Variants in POLQ observed in about 807,000 individuals in gnomAD.
POLQ encodes DNA polymerase theta, also known as epididymis secretory sperm binding protein.
Under a neutral mutation model 259.2 loss-of-function variants are expected in POLQ, and 233 were observed. The observed-to-expected ratio is 0.90, with a 90% CI of 0.81 to 1.00. The LOEUF is 1.00. Ranked by LOEUF, POLQ falls within the 50% of genes least tolerant of loss-of-function variation. The pLI is 0.00. For missense variants in POLQ, 2,871 were observed against 3,051.6 expected, an observed-to-expected ratio of 0.94 and a Z score of 1.39; for synonymous variants, 1,025 against 1,048.8, an observed-to-expected ratio of 0.98 and a Z score of 0.44.
intron 16 of POLQ, among the ~76,000 whole-genome samples, chr3:121,486,636 G>A (rs996010676): frequency 6.6e-6 from 1 of 152,106 alleles, no homozygotes; most frequent in Non-Finnish European, 1.5e-5. Flanking sequence ...GGCCAACACA[G>A]GTGGATCACT....
At chr3:121,458,563 A>G (rs2047762687) in intron 25 of POLQ, among the ~76,000 whole-genome samples, 1 of 152,162 alleles carries the variant, frequency 6.6e-6, no homozygotes, top group Admixed American at 6.5e-5. Context: ...TAGCTATCTC[A>G]TGGGTTATGA....
intron 19 of POLQ, among the ~76,000 whole-genome samples, chr3:121,479,017 G>C (rs1470416813): frequency 1.3e-5 from 2 of 152,104 alleles, no homozygotes; most frequent in Non-Finnish European, 2.9e-5. Context: ...AACAGCTCAG[G>C]TTTTAGATAA....
chr3:121,455,132 A>C (rs2047721949), intron 25 of POLQ, among the ~76,000 whole-genome samples: 1 of 151,476 alleles, frequency 6.6e-6, no homozygotes, highest in East Asian at 1.9e-4. Context: ...CTGAATGACT[A>C]CTGGGTACAT....
intron 8 of POLQ, chr3:121,521,701 G>C (rs2048337272): frequency 6.1e-6 from 1 of 162,908 alleles, no homozygotes; most frequent in African/African-American, 2.4e-5. Context: ...CTCCTGAGAA[G>C]CTGGAATTAC....
Position 121,476,704 on chromosome 3 carries a change from G to C in POLQ, c.6241C>G (p.Gln2081Glu), listed in dbSNP as rs752088145. The change falls in exon 20 of 30, where the codon CAG (glutamine) becomes GAG (glutamate). Residue 2081 changes from glutamine (Q) to glutamate (E), a missense_variant. By Grantham distance (29) the Gln-to-Glu change is conservative. Coordinates refer to ENST00000264233, the MANE Select transcript of POLQ (RefSeq NM_199420.4). ...DVFRKVEMPS[Q>E]YCLALLELNG... is the part of the protein sequence containing the mutation. ...AGTTCTAGCAAGGCCAAGCAGTACT[G>C]AGAGGGCATTTCCACCTTACGGAAA... The C allele has an allele frequency of 1.9e-6, 3 of 1,604,698 alleles. No homozygotes were observed. The highest frequency in any genetic ancestry group is 2.5e-6 in the Non-Finnish European group (3 of 1,177,372).
Position 121,529,657 on chromosome 3 carries a change from G to A in POLQ, c.1096C>T (p.His366Tyr). ...IIAREFYNLHHQAEGLVKPSE... is the reference protein window; with the variant it reads ...IIAREFYNLHYQAEGLVKPSE... ...ATCCATAACTCACCCTCAGCTTGAT[G>A]ATGTAGATTATAAAACTCTCGAGCA... The change falls in exon 7 of 30, where the codon CAT (histidine) becomes TAT (tyrosine). Residue 366 changes from histidine (H) to tyrosine (Y), a missense_variant. His to Tyr is a moderately conservative substitution (Grantham distance 83). Transcript: ENST00000264233. 1 of 1,613,418 alleles carries A rather than the reference G, an allele frequency of 6.2e-7. No homozygotes were observed. Among genetic ancestry groups the A allele is most frequent in the Non-Finnish European group, 8.5e-7 (1 of 1,179,706 alleles).
At chr3:121,502,801 C>T (rs2048181975) in intron 12 of POLQ, among the ~76,000 whole-genome samples, 1 of 151,984 alleles carries the variant, frequency 6.6e-6, no homozygotes. Flanking sequence ...GTTTGCAACA[C>T]ATAATGATGT....
Position 121,440,131 on chromosome 3 carries a change from C to T in POLQ, c.7265-15G>A, listed in dbSNP as rs1485547692. 2.5e-6 allele frequency: 4 copies of T among 1,593,040 alleles called. No individual in the cohort carries two copies. Among genetic ancestry groups the T allele is most frequent in the Non-Finnish European group, 3.4e-6 (4 of 1,163,218 alleles). On this transcript the variant is annotated splice_polypyrimidine_tract_variant and intron_variant, in intron 26 of 29. Transcript: ENST00000264233. ...TTGATTAATCCCTACAAAGAAAATA[C>T]AGAAATAATTAATTAGAACCAAAGT...
chr3:121,443,940 T>C (rs1448852969), intron 26 of POLQ, among the ~76,000 whole-genome samples: 2 of 152,150 alleles, frequency 1.3e-5, no homozygotes, highest in African/African-American at 4.8e-5. Context: ...GTTCTACTGA[T>C]CTTTGTGCCT....
chr3:121,507,400 A>G (rs2048217320), intron 12 of POLQ, among the ~76,000 whole-genome samples: 1 of 152,152 alleles, frequency 6.6e-6, no homozygotes, highest in South Asian at 2.1e-4. Flanking sequence ...TAAGAAATCC[A>G]GTTTCTGTTT....
chr3:121,457,893 C>G (rs1462586931), intron 25 of POLQ, among the ~76,000 whole-genome samples: 1 of 151,986 alleles, frequency 6.6e-6, no homozygotes, highest in African/African-American at 2.4e-5. Flanking sequence ...GGGTATATAC[C>G]CAAAGGACTA....
At chr3:121,536,453 C>T (rs966121839) in intron 5 of POLQ, among the ~76,000 whole-genome samples, 13 of 151,920 alleles carry the variant, frequency 8.6e-5, no homozygotes, top group Non-Finnish European at 1.6e-4. Flanking sequence ...AAGGTAGTTG[C>T]CTCTGAGAAG....
rs73855398 is a variant in POLQ at position 121,478,279 on chromosome 3, G to A, written c.6212-1546C>T. ...CTTTCTAAGGGAAGATTTCCCCCAC[G>A]TAAGTCCTGCAGGGATCCTTGATCA... is the stretch of plus-strand genomic sequence containing the variant. On this transcript the variant is annotated intron_variant, in intron 19 of 29. Coordinates refer to ENST00000264233, the MANE Select transcript of POLQ (RefSeq NM_199420.4). 8.5e-3 allele frequency among the ~76,000 whole-genome samples: 1,300 copies of A among 152,134 alleles called. 18 individuals are homozygous for A. The highest frequency in any genetic ancestry group is 0.029 in the African/African-American group (1,217 of 41,508).
At position 121,537,157 on chromosome 3, in the gene POLQ, T is replaced by C. The variant is rs760996760; in HGVS notation, c.683A>G (p.Tyr228Cys). Residue 228 changes from tyrosine (Y) to cysteine (C), a missense_variant, in exon 5 of 30, where the codon TAT becomes TGT. By Grantham distance (194) the Tyr-to-Cys change is radical. Transcript: ENST00000264233. ...LHMLGDSHRGYLLELLLTKIC... is the reference protein window; with the variant it reads ...LHMLGDSHRGCLLELLLTKIC... ...CTTGGTCAGCAAAAGTTCCAGCAGA[T>C]ACCCTCGGTGAGAGTCTCCCAGCAT... 61 of 1,608,538 alleles carry C rather than the reference T, an allele frequency of 3.8e-5. No homozygotes were observed. The highest frequency in any genetic ancestry group is 5.0e-5 in the Admixed American group (3 of 59,982).
rs767760655 is a variant in POLQ at position 121,545,766 on chromosome 3, C to A, written c.112G>T (p.Val38Leu). Residue 38 changes from valine (V) to leucine (L), a missense_variant, in exon 1 of 30, where the codon GTG (valine) becomes TTG (leucine). Around this residue, in one of 3 missense-constraint regions of POLQ, gnomAD observed 783 missense variants for 906.2 expected, o/e 0.86. Transcript: ENST00000264233. Reference sequence around the variant, plus strand: ...CCAAGGCCGGGCGGCGGGCTCAGCACGGACCCGGAGAGGAACTGGGGGCTG... The same window carrying A: ...CCAAGGCCGGGCGGCGGGCTCAGCAAGGACCCGGAGAGGAACTGGGGGCTG... ...SASPQFLSGS[V>L]LSPPPGLGRC... is the part of the protein sequence containing the mutation. The A allele has an allele frequency of 1.3e-5, 21 of 1,604,820 alleles. No individual in the cohort carries two copies. The highest frequency in any genetic ancestry group is 1.8e-5 in the Non-Finnish European group (21 of 1,176,074).
At chr3:121,435,637 T>G (rs901793877) in intron 28 of POLQ, among the ~76,000 whole-genome samples, 8 of 152,164 alleles carry the variant, frequency 5.3e-5, no homozygotes, top group African/African-American at 1.9e-4. Flanking sequence ...TCCCACAAAT[T>G]GAGACATGCA....
intron 25 of POLQ, 128 bp from the exon 26 acceptor site, chr3:121,449,554 T>G (rs2047656594): frequency 1.5e-6 from 1 of 677,302 alleles, no homozygotes. Context: ...AGATTGCTTT[T>G]GGTGGGTTAC....
chr3:121,509,298 C>A (rs994906889), intron 12 of POLQ, among the ~76,000 whole-genome samples: 1 of 151,894 alleles, frequency 6.6e-6, no homozygotes, highest in East Asian at 1.9e-4. Flanking sequence ...TTCTTTTATA[C>A]GTTGTAAAAA....
Position 121,440,081 on chromosome 3 carries a change from A to G in POLQ, c.7300T>C (p.Cys2434Arg). 1 of 1,608,534 alleles carries G rather than the reference A, an allele frequency of 6.2e-7. No individual in the cohort carries two copies. Among genetic ancestry groups the G allele is most frequent in the Non-Finnish European group, 8.5e-7 (1 of 1,175,040 alleles). ...NQFMTETVKNCKRDGFVQTIL... is the reference protein window; with the variant it reads ...NQFMTETVKNRKRDGFVQTIL... ...GTCTGAACAAATCCGTCTCTTTTACAATTCTTCACTGTCTCTGTCATGAAT... is the reference window on the plus strand; with the variant it reads ...GTCTGAACAAATCCGTCTCTTTTACGATTCTTCACTGTCTCTGTCATGAAT... The change falls in exon 27 of 30, where the codon TGT (cysteine) becomes CGT (arginine). Residue 2434 changes from cysteine to arginine, a missense_variant. Cys to Arg is a radical substitution (Grantham distance 180). This residue lies in a region of POLQ where 2,080 missense variants were observed against 2,126.0 expected (regional missense o/e 0.98). Transcript: ENST00000264233.
Sources: allele counts gnomAD v4.1 joint callset (sites outside exome capture counted in the v4.1 genomes callset), GRCh38; gene constraint gnomAD v4.1.1; regional missense constraint gnomAD v4.1.1; transcripts MANE v1.5; gene names NCBI Gene and HGNC (gene_info 2026-07-23, HGNC 2026-07-21).